NPAS3: variants seen among roughly 807,000 people sequenced by gnomAD.
NPAS3 encodes the protein neuronal PAS domain protein 3.
A neutral mutation model predicts 73.1 loss-of-function variants in NPAS3; 14 were observed. The observed-to-expected ratio is 0.19, with a 90% CI of 0.13 to 0.30. The LOEUF (loss-of-function observed/expected upper bound fraction) is 0.30. NPAS3 is among the 10% of genes least tolerant of loss of function. The pLI, the probability that NPAS3 is intolerant of heterozygous loss-of-function variation, is 1.00. For missense variants in NPAS3, 1,096 were observed against 1,250.0 expected (o/e 0.88, Z 1.86); for synonymous variants, 620 against 541.5 (o/e 1.14, Z -2.01).
At chr14:33,730,724 A>C (rs1440629934) in intron 6 of NPAS3, among the ~76,000 whole-genome samples, 2 of 152,238 alleles carry the variant, frequency 1.3e-5, no homozygotes, top group East Asian at 3.8e-4. Context: ...ATCCCAGTGG[A>C]TACATACTCA....
intron 5 of NPAS3, among the ~76,000 whole-genome samples, chr14:33,660,009 G>T (rs753664685): frequency 1.3e-5 from 2 of 152,104 alleles, no homozygotes; most frequent in South Asian, 2.1e-4. Context: ...GCTCACAAAG[G>T]GTTGGTTGTT....
intron 2 of NPAS3, among the ~76,000 whole-genome samples, chr14:33,099,421 CTA>C (rs2042518965): frequency 3.9e-5 from 6 of 152,018 alleles, no homozygotes; most frequent in Admixed American, 3.9e-4. Flanking sequence ...TCCATGGACT[CTA>C]TGAATCTCAG....
intron 5 of NPAS3, among the ~76,000 whole-genome samples, chr14:33,672,942 T>A (rs915537801): frequency 6.6e-6 from 1 of 152,230 alleles, no homozygotes; most frequent in Non-Finnish European, 1.5e-5. Context: ...ATGAGAAATG[T>A]TGAAAGTGTT....
chr14:33,801,047 C>T (rs1474841836), exon 12 of NPAS3: 3 of 1,594,034 alleles, frequency 1.9e-6, no homozygotes, highest in East Asian at 4.6e-5. Context: ...CTCCACGCTG[C>T]CCTTCCCCGT....
intron 4 of NPAS3, among the ~76,000 whole-genome samples, chr14:33,453,192 T>C (rs898996000): frequency 1.3e-5 from 2 of 152,148 alleles, no homozygotes; most frequent in Non-Finnish European, 2.9e-5. Context: ...ATCTCTCCCA[T>C]GTTCATCTCA....
intron 5 of NPAS3, among the ~76,000 whole-genome samples, chr14:33,581,040 G>A (rs2056644959): frequency 6.6e-6 from 1 of 152,138 alleles, no homozygotes; most frequent in Non-Finnish European, 1.5e-5. Context: ...ACATGACACT[G>A]GGATATTAGT....
chr14:33,112,877 C>A (rs2042942244), intron 2 of NPAS3, among the ~76,000 whole-genome samples: 1 of 152,210 alleles, frequency 6.6e-6, no homozygotes, highest in East Asian at 1.9e-4. Flanking sequence ...TTTCAGCTTT[C>A]TACATATGGC....
chr14:33,069,093 C>A (rs1324374389), intron 2 of NPAS3, among the ~76,000 whole-genome samples: 1 of 152,118 alleles, frequency 6.6e-6, no homozygotes, highest in Non-Finnish European at 1.5e-5. Flanking sequence ...AGGGTGGAAG[C>A]AGGGGACTTA....
At chr14:33,186,069 C>T (rs2045963398) in intron 2 of NPAS3, among the ~76,000 whole-genome samples, 1 of 152,096 alleles carries the variant, frequency 6.6e-6, no homozygotes, top group Non-Finnish European at 1.5e-5. Flanking sequence ...GTTAGGAGAT[C>T]ACTGATTTCT....
At chr14:33,318,854 A>C (rs1315398359) in intron 3 of NPAS3, among the ~76,000 whole-genome samples, 3 of 152,122 alleles carry the variant, frequency 2.0e-5, no homozygotes, top group African/African-American at 7.2e-5. Flanking sequence ...TACTACCTTC[A>C]CTTTTTTAAC....
At chr14:33,697,248 G>A (rs1347030423) in intron 6 of NPAS3, among the ~76,000 whole-genome samples, 3 of 152,136 alleles carry the variant, frequency 2.0e-5, no homozygotes, top group Non-Finnish European at 4.4e-5. Context: ...TGCTACCTAT[G>A]TCTATCAGAC....
intron 3 of NPAS3, among the ~76,000 whole-genome samples, chr14:33,359,634 C>T (rs2045500560): frequency 6.6e-6 from 1 of 152,076 alleles, no homozygotes; most frequent in South Asian, 2.1e-4. Flanking sequence ...GAGAGTGTAC[C>T]AAATCTAACC....
chr14:32,981,075 C>A (rs2037878472), intron 1 of NPAS3, among the ~76,000 whole-genome samples: 1 of 152,114 alleles, frequency 6.6e-6, no homozygotes. Flanking sequence ...CATTTATTAT[C>A]CACTTTCAGC....
intron 1 of NPAS3, among the ~76,000 whole-genome samples, chr14:32,981,743 G>T (rs1375711869): frequency 6.6e-6 from 1 of 152,170 alleles, no homozygotes; most frequent in Non-Finnish European, 1.5e-5. Flanking sequence ...TCATCTTGGG[G>T]TGGTGTGGAG....
chr14:33,581,683 C>T (rs949774984), intron 5 of NPAS3, among the ~76,000 whole-genome samples: 1 of 152,282 alleles, frequency 6.6e-6, no homozygotes, highest in Admixed American at 6.5e-5. Context: ...GTGATCCTCC[C>T]TCCCCAGCCT....
intron 2 of NPAS3, among the ~76,000 whole-genome samples, chr14:33,170,805 C>G (rs1054993671): frequency 3.3e-5 from 5 of 152,198 alleles, no homozygotes. Context: ...CATTTCCATA[C>G]ATCTGCAATG....
chr14:33,413,861 T>C (rs2048035245), intron 4 of NPAS3, among the ~76,000 whole-genome samples: 1 of 152,140 alleles, frequency 6.6e-6, no homozygotes, highest in South Asian at 2.1e-4. Context: ...AAAGAAAAAT[T>C]TCCTTCTTTC....
intron 1 of NPAS3, among the ~76,000 whole-genome samples, chr14:32,950,914 C>T (rs569467980): frequency 6.6e-6 from 1 of 152,114 alleles, no homozygotes; most frequent in Non-Finnish European, 1.5e-5. Context: ...CAAGATGCAC[C>T]AAAAGGTGTC....
chr14:33,576,397 G>C (rs77871170), intron 5 of NPAS3, among the ~76,000 whole-genome samples: 15 of 152,146 alleles, frequency 9.9e-5, no homozygotes, highest in African/African-American at 3.1e-4. Context: ...GGTGTCTGTC[G>C]CCTTGAGCTT....
Sources: allele counts gnomAD v4.1 joint callset (sites outside exome capture counted in the v4.1 genomes callset), GRCh38; gene constraint gnomAD v4.1.1; transcripts MANE v1.5; gene names NCBI Gene and HGNC (gene_info 2026-07-23, HGNC 2026-07-21).